Variants in CDH4 observed in about 807,000 individuals in gnomAD.
CDH4 encodes the protein cadherin 4.
A neutral mutation model predicts 86.0 loss-of-function variants in CDH4; 33 were observed. That is an observed-to-expected ratio of 0.38 (90% confidence interval 0.29 to 0.51). The LOEUF (loss-of-function observed/expected upper bound fraction) is 0.51. Ranked by LOEUF, CDH4 falls within the 20% of genes least tolerant of loss-of-function variation. CDH4 has a pLI of 0.86. For missense variants in CDH4, 1,114 were observed against 1,307.4 expected, an observed-to-expected ratio of 0.85 and a Z score of 2.28; for synonymous variants, 555 against 549.4, an observed-to-expected ratio of 1.01 and a Z score of -0.14.
At chr20:61,816,640 G>A (rs1158322660) in intron 4 of CDH4, among the ~76,000 whole-genome samples, 1 of 152,106 alleles carries the variant, frequency 6.6e-6, no homozygotes, top group Non-Finnish European at 1.5e-5. Flanking sequence ...CCCTAAGGCA[G>A]GCGGGCATTG....
intron 4 of CDH4, among the ~76,000 whole-genome samples, chr20:61,798,188 G>GCCCA (rs1979643663): frequency 3.1e-5 from 3 of 95,744 alleles, no homozygotes; most frequent in African/African-American, 8.9e-5. Context: ...CGCCCCGCCC[G>GCCCA]GCCCTGCCCC....
intron 2 of CDH4, among the ~76,000 whole-genome samples, chr20:61,291,097 C>T (rs2084318217): frequency 6.6e-6 from 1 of 152,176 alleles, no homozygotes; most frequent in Admixed American, 6.5e-5. Flanking sequence ...GCTTTCCTGC[C>T]TGCACCTTGG....
intron 4 of CDH4, among the ~76,000 whole-genome samples, chr20:61,837,367 T>C (rs1312296933): frequency 6.6e-6 from 1 of 152,152 alleles, no homozygotes; most frequent in Non-Finnish European, 1.5e-5. Flanking sequence ...CCTTCCAGCT[T>C]TCAGAGGCTA....
intron 2 of CDH4, among the ~76,000 whole-genome samples, chr20:61,674,688 C>T (rs1239789979): frequency 1.3e-5 from 2 of 152,256 alleles, no homozygotes; most frequent in Non-Finnish European, 2.9e-5. Context: ...GTTCTTTCAA[C>T]ATCCAGTCCA....
At chr20:61,474,787 A>G (rs1357476694) in intron 2 of CDH4, among the ~76,000 whole-genome samples, 1 of 152,128 alleles carries the variant, frequency 6.6e-6, no homozygotes, top group Non-Finnish European at 1.5e-5. Context: ...TATTAAGGAA[A>G]TCCCTGCTGT....
At chr20:61,627,926 C>T (rs909505698) in intron 2 of CDH4, among the ~76,000 whole-genome samples, 2 of 152,162 alleles carry the variant, frequency 1.3e-5, no homozygotes, top group African/African-American at 4.8e-5. Context: ...TCCCTGCAGG[C>T]CAGCCGCCTC....
At chr20:61,704,302 C>T (rs1411542716) in intron 2 of CDH4, among the ~76,000 whole-genome samples, 1 of 152,142 alleles carries the variant, frequency 6.6e-6, no homozygotes, top group Non-Finnish European at 1.5e-5. Context: ...TGCCTCCCCA[C>T]TCTGACATTC....
chr20:61,736,500 C>A (rs2088264369), intron 2 of CDH4, among the ~76,000 whole-genome samples: 1 of 152,122 alleles, frequency 6.6e-6, no homozygotes, highest in Non-Finnish European at 1.5e-5. Context: ...TGGTTAATGT[C>A]TGTCCTGCCC....
intron 2 of CDH4, among the ~76,000 whole-genome samples, chr20:61,457,124 G>T (rs191205436): frequency 6.6e-6 from 1 of 152,158 alleles, no homozygotes; most frequent in African/African-American, 2.4e-5. Context: ...AAGGACCTCC[G>T]TGAGGTTCAC....
chr20:61,882,036 G>A lies in CDH4; in HGVS notation c.1050+8136G>A, dbSNP rs530411803. ...GAGCCGCCAGGAGGTGGAAGAGGCAGGACAGGTCCTCCCTCAAGCCCCTGG... is the reference window on the plus strand; with the variant it reads ...GAGCCGCCAGGAGGTGGAAGAGGCAAGACAGGTCCTCCCTCAAGCCCCTGG... On this transcript the variant is annotated intron_variant, in intron 7 of 15. Coordinates refer to ENST00000614565, the MANE Select transcript of CDH4 (RefSeq NM_001794.5). 2.0e-5 allele frequency among the ~76,000 whole-genome samples: 3 copies of A among 152,346 alleles called. No homozygotes were observed. In the South Asian group the frequency reaches 6.2e-4, roughly 32 times the overall value.
intron 2 of CDH4, among the ~76,000 whole-genome samples, chr20:61,327,176 C>T (rs2084541390): frequency 1.3e-5 from 2 of 152,204 alleles, no homozygotes; most frequent in Middle Eastern, 3.4e-3. Flanking sequence ...AAAAATGTAT[C>T]CACCCAGAAG....
intron 8 of CDH4, among the ~76,000 whole-genome samples, chr20:61,903,348 T>C (rs1776241): frequency 0.87 from 132,251 of 151,792 alleles, 58,264 homozygotes; most frequent in Non-Finnish European, 0.95. Context: ...GAGTTCAAGA[T>C]CAGCCTGGCC....
At chr20:61,693,286 C>G (rs2087679142) in intron 2 of CDH4, among the ~76,000 whole-genome samples, 1 of 144,184 alleles carries the variant, frequency 6.9e-6, no homozygotes, top group South Asian at 2.3e-4. Flanking sequence ...GCTGTGCTGC[C>G]TCCTGGTCTC....
chr20:61,286,019 G>GC (rs1159495221), intron 2 of CDH4, among the ~76,000 whole-genome samples: 1 of 152,186 alleles, frequency 6.6e-6, no homozygotes, highest in Non-Finnish European at 1.5e-5. Context: ...CTATGAATGT[G>GC]CCCCAGATTC....
intron 2 of CDH4, among the ~76,000 whole-genome samples, chr20:61,327,576 G>C (rs986751420): frequency 1.3e-5 from 2 of 152,318 alleles, no homozygotes; most frequent in East Asian, 3.9e-4. Flanking sequence ...GATTGGCGAA[G>C]ATTAGAAAGT....
At chr20:61,750,902 T>G (rs1600946238) in intron 3 of CDH4, among the ~76,000 whole-genome samples, 2 of 152,296 alleles carry the variant, frequency 1.3e-5, no homozygotes, top group East Asian at 3.9e-4. Flanking sequence ...ATCATATAAC[T>G]GGGAATAAAT....
At position 61,908,547 on chromosome 20, in the gene CDH4, T is replaced by G. The variant is rs188680696; in HGVS notation, c.1189-1875T>G. On this transcript the variant is annotated intron_variant, in intron 8 of 15. Transcript: ENST00000614565. ...GAACCGCTGCCTCGGGGCCTCTGTG[T>G]GCTTCTCTGTCCTTGCAGGACCTGC... Among the ~76,000 whole-genome samples, 555 of 152,312 alleles carry G rather than the reference T, an allele frequency of 3.6e-3. 5 individuals are homozygous for G. The highest frequency in any genetic ancestry group is 0.013 in the African/African-American group (536 of 41,564).
intron 3 of CDH4, among the ~76,000 whole-genome samples, chr20:61,770,768 AGCTACTCAGGGG>A (rs2088765089): frequency 1.3e-5 from 2 of 151,894 alleles, no homozygotes; most frequent in African/African-American, 4.8e-5. Context: ...CTGTAGTCCC[AGCTACTCAGGGG>A]GCTGAGGCAG....
chr20:61,264,684 A>T (rs1364475363), intron 2 of CDH4, among the ~76,000 whole-genome samples: 2 of 147,354 alleles, frequency 1.4e-5, no homozygotes, highest in East Asian at 2.2e-4. Flanking sequence ...TCAATCTTAC[A>T]CATATCTCAG....
Sources: gnomAD v4.1 joint callset for allele counts (sites outside exome capture counted in the v4.1 genomes callset) on GRCh38, gnomAD v4.1.1 for gene constraint, MANE v1.5 for transcripts, NCBI Gene and HGNC (gene_info 2026-07-23, HGNC 2026-07-21) for gene names.